Variants in CEP112 observed in about 807,000 individuals in gnomAD.
The protein encoded by CEP112 is centrosomal protein of 112 kDa.
Under a neutral mutation model 153.0 loss-of-function variants are expected in CEP112, and 127 were observed. That is an observed-to-expected ratio of 0.83 (90% CI 0.72 to 0.96). The LOEUF is 0.96. Ranked by LOEUF, CEP112 falls within the 40% of genes least tolerant of loss-of-function variation. The pLI is 0.00. For synonymous variants in CEP112, 358 were observed against 374.4 expected (o/e 0.96, Z 0.51); for missense variants, 1,089 against 1,101.2 (o/e 0.99, Z 0.16).
chr17:65,838,782 C>G (rs1329695224), intron 21 of CEP112, among the ~76,000 whole-genome samples: 2 of 151,832 alleles, frequency 1.3e-5, no homozygotes, highest in East Asian at 3.9e-4. Flanking sequence ...AGAGAAGAGA[C>G]CCAAATAAAT....
chr17:65,647,721 G>A (rs1339027825), intron 24 of CEP112, among the ~76,000 whole-genome samples: 7 of 151,266 alleles, frequency 4.6e-5, no homozygotes, highest in Non-Finnish European at 4.4e-5. Context: ...GGGCTCAAGT[G>A]ATCCTCATGC....
chr17:65,872,633 C>T (rs2058702013), intron 20 of CEP112, among the ~76,000 whole-genome samples: 2 of 151,986 alleles, frequency 1.3e-5, no homozygotes, highest in South Asian at 4.2e-4. Flanking sequence ...CCATGGACAC[C>T]AATAGATTTT....
At chr17:65,954,081 A>G (rs750316534) in intron 18 of CEP112, among the ~76,000 whole-genome samples, 26 of 152,144 alleles carry the variant, frequency 1.7e-4, no homozygotes, top group Non-Finnish European at 3.1e-4. Context: ...CACAACCAAG[A>G]ACCCTCACAG....
Position 66,159,469 on chromosome 17 carries a change from G to A in CEP112, c.470+15575C>T, listed in dbSNP as rs577971605. ...ATCGTCAATAAAATACTGGCAAACCGAATCCAACAGCACATCAAAAAGTTT... is the reference window on the plus strand; with the variant it reads ...ATCGTCAATAAAATACTGGCAAACCAAATCCAACAGCACATCAAAAAGTTT... On this transcript the variant is annotated intron_variant, in intron 4 of 26. Coordinates refer to ENST00000535342, the MANE Select transcript of CEP112 (RefSeq NM_001199165.4). Among the ~76,000 whole-genome samples, 379 of 152,182 alleles carry A rather than the reference G, an allele frequency of 2.5e-3. 1 individual carries two copies. Among genetic ancestry groups the A allele is most frequent in the Non-Finnish European group, 4.1e-3 (276 of 68,008 alleles).
chr17:65,953,849 C>T (rs998977020), intron 18 of CEP112, among the ~76,000 whole-genome samples: 1 of 152,188 alleles, frequency 6.6e-6, no homozygotes, highest in African/African-American at 2.4e-5. Flanking sequence ...TTGCTGCCCC[C>T]ACCTAGTGGT....
intron 20 of CEP112, among the ~76,000 whole-genome samples, chr17:65,856,032 G>C (rs1409577049): frequency 6.6e-6 from 1 of 152,128 alleles, no homozygotes; most frequent in Admixed American, 6.5e-5. Flanking sequence ...ACTCCGGCCT[G>C]TGTGACAGAA....
At chr17:65,890,691 C>T (rs189526961) in intron 20 of CEP112, among the ~76,000 whole-genome samples, 1 of 152,168 alleles carries the variant, frequency 6.6e-6, no homozygotes, top group East Asian at 1.9e-4. Flanking sequence ...GGCAGGTGTA[C>T]AGTCAATGTT....
intron 8 of CEP112, among the ~76,000 whole-genome samples, chr17:66,078,351 T>A (rs1194661945): frequency 1.1e-4 from 17 of 150,988 alleles, no homozygotes; most frequent in Non-Finnish European, 2.9e-5. Flanking sequence ...TCTGCATTCC[T>A]GGTTCAAGGG....
chr17:65,873,994 C>T (rs2058744782), intron 20 of CEP112, among the ~76,000 whole-genome samples: 1 of 152,094 alleles, frequency 6.6e-6, no homozygotes, highest in South Asian at 2.1e-4. Flanking sequence ...TTAATACAAA[C>T]CACATCAGTT....
At chr17:65,722,536 A>G (rs2049946473) in intron 23 of CEP112, among the ~76,000 whole-genome samples, 1 of 152,224 alleles carries the variant, frequency 6.6e-6, no homozygotes, top group South Asian at 2.1e-4. Flanking sequence ...GGCGTGACCC[A>G]CCATGCCTGG....
At chr17:65,699,331 G>T (rs771337284) in intron 23 of CEP112, among the ~76,000 whole-genome samples, 3 of 152,160 alleles carry the variant, frequency 2.0e-5, no homozygotes, top group South Asian at 4.2e-4. Context: ...AACAGTTGGG[G>T]TACTCCCATT....
intron 24 of CEP112, 66 bp downstream of exon 24, chr17:65,689,063 T>C (rs987790433): frequency 7.6e-6 from 9 of 1,184,310 alleles, no homozygotes; most frequent in Non-Finnish European, 1.1e-5. Context: ...CCACTGCACC[T>C]GGCTGCACAC....
intron 18 of CEP112, among the ~76,000 whole-genome samples, chr17:65,960,601 T>G (rs55742330): frequency 0.066 from 10,025 of 152,276 alleles, 493 homozygotes; most frequent in African/African-American, 0.12. Flanking sequence ...TTATCATTGC[T>G]AGATTACTTC....
At chr17:65,966,364 C>T (rs2062414002) in intron 17 of CEP112, among the ~76,000 whole-genome samples, 1 of 152,150 alleles carries the variant, frequency 6.6e-6, no homozygotes, top group South Asian at 2.1e-4. Context: ...TGTATATGTA[C>T]AGGTGAACCT....
chr17:66,002,968 G>A (rs1431162312), intron 17 of CEP112, among the ~76,000 whole-genome samples: 7 of 152,272 alleles, frequency 4.6e-5, no homozygotes, highest in African/African-American at 1.7e-4. Flanking sequence ...CTGTCTCTGG[G>A]CCAACCAGAT....
At chr17:66,075,636 A>G (rs1377275968) in intron 8 of CEP112, among the ~76,000 whole-genome samples, 3 of 152,224 alleles carry the variant, frequency 2.0e-5, no homozygotes, top group Non-Finnish European at 4.4e-5. Flanking sequence ...CACTCTAATT[A>G]TAAGAGACTG....
chr17:66,108,424 C>A (rs184188687), intron 6 of CEP112, among the ~76,000 whole-genome samples: 10 of 151,996 alleles, frequency 6.6e-5, no homozygotes, highest in Admixed American at 3.3e-4. Flanking sequence ...AGGAAAAAAA[C>A]CAATAATCCG....
At chr17:65,887,351 T>C (rs1286185169) in intron 20 of CEP112, among the ~76,000 whole-genome samples, 1 of 152,172 alleles carries the variant, frequency 6.6e-6, no homozygotes, top group East Asian at 1.9e-4. Flanking sequence ...CTACATGATA[T>C]ACAGAAAATT....
At chr17:65,932,980 CA>C (rs2061178838) in intron 18 of CEP112, among the ~76,000 whole-genome samples, 1 of 151,980 alleles carries the variant, frequency 6.6e-6, no homozygotes, top group Non-Finnish European at 1.5e-5. Flanking sequence ...ATTAGTTTGA[CA>C]AAGGAACGGA....
Sources: gnomAD v4.1 joint callset for allele counts (sites outside exome capture counted in the v4.1 genomes callset) on GRCh38, gnomAD v4.1.1 for gene constraint, MANE v1.5 for transcripts, NCBI Gene and HGNC (gene_info 2026-07-23, HGNC 2026-07-21) for gene names.